EHBP1: variants seen among roughly 807,000 people sequenced by gnomAD.
EHBP1 encodes the protein EH domain-binding protein 1.
A neutral mutation model predicts 144.0 loss-of-function variants in EHBP1; 55 were observed. The ratio of observed to expected loss-of-function variants is 0.38; its 90% CI spans 0.31 to 0.48. The LOEUF is 0.48. Ranked by LOEUF, EHBP1 falls within the 20% of genes least tolerant of loss-of-function variation. The pLI, the probability that EHBP1 is intolerant of heterozygous loss-of-function variation, is 0.98. For missense variants in EHBP1, 1,200 were observed against 1,364.2 expected (o/e 0.88, Z 1.90); for synonymous variants, 469 against 472.7 (o/e 0.99, Z 0.10).
At chr2:62,714,333 C>A (rs1025252391) in intron 2 of EHBP1, among the ~76,000 whole-genome samples, 1 of 152,198 alleles carries the variant, frequency 6.6e-6, no homozygotes, top group Non-Finnish European at 1.5e-5. Flanking sequence ...TCTGTGTTCT[C>A]TGTGCTCAGG....
intron 5 of EHBP1, among the ~76,000 whole-genome samples, chr2:62,790,007 C>G (rs541391058): frequency 4.1e-4 from 62 of 152,284 alleles, no homozygotes; most frequent in Non-Finnish European, 7.1e-4. Context: ...CATTGTTTTT[C>G]CACATCCTCC....
At chr2:62,911,438 C>T (rs1415732348) in intron 10 of EHBP1, among the ~76,000 whole-genome samples, 1 of 151,990 alleles carries the variant, frequency 6.6e-6, no homozygotes, top group Non-Finnish European at 1.5e-5. Context: ...TTTAACTTTC[C>T]TGTCCTGTTT....
chr2:62,930,548 T>G (rs188433210), intron 10 of EHBP1, among the ~76,000 whole-genome samples: 3 of 152,310 alleles, frequency 2.0e-5, no homozygotes, highest in South Asian at 4.1e-4. Flanking sequence ...CATTTGGAAT[T>G]TTAAAGAACC....
chr2:62,930,707 A>T (rs1317717610), intron 10 of EHBP1, among the ~76,000 whole-genome samples: 3 of 152,200 alleles, frequency 2.0e-5, no homozygotes, highest in Non-Finnish European at 4.4e-5. Flanking sequence ...AGAGTCCAGA[A>T]ACAAACCTCT....
chr2:62,749,596 C>T (rs2039482177), intron 3 of EHBP1, among the ~76,000 whole-genome samples: 1 of 152,214 alleles, frequency 6.6e-6, no homozygotes, highest in Non-Finnish European at 1.5e-5. Context: ...GTTTACAGTC[C>T]TACCAACAGT....
chr2:62,729,218 A>G (rs1395555767), intron 2 of EHBP1, among the ~76,000 whole-genome samples: 1 of 145,036 alleles, frequency 6.9e-6, no homozygotes, highest in Non-Finnish European at 1.5e-5. Context: ...CAACAGCTAC[A>G]AAGTACTATC....
intron 2 of EHBP1, among the ~76,000 whole-genome samples, chr2:62,746,688 A>T (rs1033947690): frequency 2.6e-5 from 4 of 152,086 alleles, no homozygotes; most frequent in Non-Finnish European, 4.4e-5. Flanking sequence ...GAAAAACCAC[A>T]GTTACTTTTG....
At position 62,859,171 on chromosome 2, in the gene EHBP1, C is replaced by T; in HGVS notation, c.637C>T (p.Leu213Phe). ...CTAACCCATATGTTTATTTTCAGAG[C>T]TTATCAACAAACTTAACTTTTTGGA... ...QEEKAAKITELINKLNFLDEA... is the reference protein window; with the variant it reads ...QEEKAAKITEFINKLNFLDEA... Residue 213 changes from leucine to phenylalanine, a missense_variant and splice_region_variant, in exon 8 of 23, where the codon CTT becomes TTT. Physicochemically the swap from Leu to Phe is conservative, Grantham distance 22. Transcript: ENST00000431489. 1 of 1,609,168 alleles carries T rather than the reference C, an allele frequency of 6.2e-7. No homozygotes were observed. Among genetic ancestry groups the T allele is most frequent in the Middle Eastern group, 1.7e-4 (1 of 6,042 alleles).
chr2:62,959,127 T>G (rs1462146183), intron 14 of EHBP1, among the ~76,000 whole-genome samples: 2 of 152,208 alleles, frequency 1.3e-5, no homozygotes, highest in Non-Finnish European at 1.5e-5. Flanking sequence ...AATCGCGCAG[T>G]ATTTGTCTTT....
intron 19 of EHBP1, among the ~76,000 whole-genome samples, chr2:63,017,494 G>T (rs780326095): frequency 1.2e-4 from 18 of 152,154 alleles, no homozygotes; most frequent in Non-Finnish European, 2.6e-4. Flanking sequence ...AATTAAATTA[G>T]ATACTTTATA....
chr2:62,804,760 G>C (rs2044314192), intron 5 of EHBP1, among the ~76,000 whole-genome samples: 1 of 152,186 alleles, frequency 6.6e-6, no homozygotes. Context: ...CACAGCAGGA[G>C]GTGAGTGGTG....
intron 19 of EHBP1, 65 bp from the exon 20 acceptor site, chr2:63,037,470 T>A: frequency 9.7e-7 from 1 of 1,032,258 alleles, no homozygotes; most frequent in South Asian, 1.5e-5. Context: ...AAAAATTATG[T>A]GCTAAACTAC....
chr2:62,959,752 G>A (rs1332800626), intron 14 of EHBP1, among the ~76,000 whole-genome samples: 1 of 152,072 alleles, frequency 6.6e-6, no homozygotes, highest in Non-Finnish European at 1.5e-5. Flanking sequence ...GGTGAGGGGT[G>A]GCTAATGAGT....
At chr2:63,041,581 T>C (rs889229089) in intron 21 of EHBP1, among the ~76,000 whole-genome samples, 7 of 152,364 alleles carry the variant, frequency 4.6e-5, no homozygotes, top group African/African-American at 1.7e-4. Context: ...AAAATCAATA[T>C]GTAATCCTGT....
At chr2:62,959,248 T>C (rs1457966713) in intron 14 of EHBP1, among the ~76,000 whole-genome samples, 1 of 152,236 alleles carries the variant, frequency 6.6e-6, no homozygotes, top group Non-Finnish European at 1.5e-5. Context: ...ACTGTATATG[T>C]ACCACATTCA....
chr2:62,811,560 A>C (rs1419637964), intron 5 of EHBP1, among the ~76,000 whole-genome samples: 1 of 152,218 alleles, frequency 6.6e-6, no homozygotes, highest in Admixed American at 6.5e-5. Context: ...AATAATGCAG[A>C]AATCATTAGT....
At chr2:62,708,522 GT>G (rs2034819924) in intron 2 of EHBP1, among the ~76,000 whole-genome samples, 1 of 152,216 alleles carries the variant, frequency 6.6e-6, no homozygotes, top group South Asian at 2.1e-4. Context: ...CGTGATTCAA[GT>G]TTCCATATCC....
At chr2:62,696,958 C>CT (rs1477216294) in intron 1 of EHBP1, among the ~76,000 whole-genome samples, 2 of 151,914 alleles carry the variant, frequency 1.3e-5, no homozygotes, top group Non-Finnish European at 2.9e-5. Context: ...CCTTTGTTTT[C>CT]TTTTTTAAAT....
At chr2:63,009,186 CA>C (rs2060171833) in intron 19 of EHBP1, among the ~76,000 whole-genome samples, 1 of 151,558 alleles carries the variant, frequency 6.6e-6, no homozygotes, top group Non-Finnish European at 1.5e-5. Context: ...CCCTAAAATG[CA>C]TGTTTATTTT....
Sources: allele counts gnomAD v4.1 joint callset (sites outside exome capture counted in the v4.1 genomes callset), GRCh38; gene constraint gnomAD v4.1.1; transcripts MANE v1.5; gene names NCBI Gene and HGNC (gene_info 2026-07-23, HGNC 2026-07-21).